Variants in PLXNC1 observed in about 807,000 individuals in gnomAD.
The protein encoded by PLXNC1 is plexin-C1.
In PLXNC1, 75 loss-of-function variants were observed where a neutral mutation model predicts 178.2. The observed-to-expected ratio is 0.42, with a 90% CI of 0.35 to 0.51. PLXNC1 has a LOEUF of 0.51. Ranked by LOEUF, PLXNC1 falls within the 20% of genes least tolerant of loss-of-function variation. The probability of loss-of-function intolerance (pLI) is 0.02; values close to 1 mark genes in which losing one functional copy is unlikely to be tolerated. For synonymous variants in PLXNC1, 790 were observed against 779.9 expected (o/e 1.01, Z -0.22); for missense variants, 1,503 against 1,984.4 (o/e 0.76, Z 4.61).
chr12:94,304,803 GGATCTGTCT>G (rs540641612), intron 30 of PLXNC1, among the ~76,000 whole-genome samples: 16 of 152,204 alleles, frequency 1.1e-4, no homozygotes, highest in Non-Finnish European at 2.1e-4. Context: ...GGGAAGGGAA[GGATCTGTCT>G]CTGACCAGGA....
Position 94,265,071 on chromosome 12 carries a change from T to C in PLXNC1, c.3451-8T>C, listed in dbSNP as rs1411346551. On this transcript the variant is annotated splice_polypyrimidine_tract_variant and splice_region_variant and intron_variant, in intron 20 of 30. Coordinates refer to ENST00000258526, the MANE Select transcript of PLXNC1 (RefSeq NM_005761.3). Reference sequence around the variant, plus strand: ...AAAGCTAACTGTCACTTTTGTGTCTTTTCCAAGGAGACTGTCGGAGAGCCC... The same window carrying C: ...AAAGCTAACTGTCACTTTTGTGTCTCTTCCAAGGAGACTGTCGGAGAGCCC... 1 of 1,613,688 alleles carries C rather than the reference T, an allele frequency of 6.2e-7. No individual in the cohort carries two copies. The highest frequency in any genetic ancestry group is 1.3e-5 in the African/African-American group (1 of 75,032).
chr12:94,306,239 AT>A lies in PLXNC1; in HGVS notation c.*955del, dbSNP rs1223262787. The A allele has an allele frequency of 6.6e-6, 1 of 151,732 alleles. No individual in the cohort carries two copies. The highest frequency in any genetic ancestry group is 2.4e-5 in the African/African-American group (1 of 41,192). 9.4% of individuals were successfully genotyped at this position (151,732 alleles called of 1,614,324 possible). On this transcript the variant is annotated 3_prime_UTR_variant, in exon 31 of 31. Transcript: ENST00000258526. Reference sequence around the variant, plus strand: ...TTGTGTGTGATTTAAAAAAAAAAAGATACATTTTACATTTTATCGAATTGCT... The same window carrying A: ...TTGTGTGTGATTTAAAAAAAAAAAGAACATTTTACATTTTATCGAATTGCT...
At chr12:94,194,877 G>GGAATGACAA (rs1301641674) in intron 4 of PLXNC1, among the ~76,000 whole-genome samples, 5 of 152,168 alleles carry the variant, frequency 3.3e-5, no homozygotes, top group Admixed American at 6.5e-5. Flanking sequence ...ACTGTCATTT[G>GGAATGACAA]GTGGAAGCCC....
At chr12:94,248,127 G>T in intron 13 of PLXNC1, 21 bp downstream of exon 13, 1 of 1,611,740 alleles carries the variant, frequency 6.2e-7, no homozygotes, top group Non-Finnish European at 8.5e-7. Context: ...TTTCTTTCTG[G>T]GTGGGATGTC....
At chr12:94,176,666 A>T (rs141294450) in intron 2 of PLXNC1, among the ~76,000 whole-genome samples, 181 of 152,312 alleles carry the variant, frequency 1.2e-3, no homozygotes, top group African/African-American at 4.3e-3. Context: ...TATTCCGTGA[A>T]AGGCACCTGG....
intron 4 of PLXNC1, among the ~76,000 whole-genome samples, chr12:94,189,679 C>CTCA (rs1353158904): frequency 2.1e-3 from 298 of 142,744 alleles, no homozygotes; most frequent in Non-Finnish European, 3.4e-3. Context: ...GACCCTGTCT[C>CTCA]AAAAAAAAAA....
At position 94,204,239 on chromosome 12, in the gene PLXNC1, C is replaced by T. The variant is rs551937794; in HGVS notation, c.1440-5351C>T. On this transcript the variant is annotated intron_variant, in intron 4 of 30. Coordinates refer to ENST00000258526, the MANE Select transcript of PLXNC1 (RefSeq NM_005761.3). ...TGAGACCACAGGCTTTGAGGCTACA[C>T]TGCCTGACTTAGTAGGTCAGCTCCT... Among the ~76,000 whole-genome samples, 56 of 152,334 alleles carry T rather than the reference C, an allele frequency of 3.7e-4. No individual in the cohort carries two copies. The East Asian group carries it at 9.6e-3, about 26-fold the overall frequency.
At chr12:94,300,795 A>AGAG in intron 27 of PLXNC1, 115 bp from the exon 28 acceptor site, 1 of 830,924 alleles carries the variant, frequency 1.2e-6, no homozygotes, top group Non-Finnish European at 1.8e-6. Context: ...TTGGCTAAGC[A>AGAG]GAGTTGTATA....
chr12:94,171,690 G>A (rs891460893), intron 2 of PLXNC1, among the ~76,000 whole-genome samples: 2 of 152,208 alleles, frequency 1.3e-5, no homozygotes, highest in Non-Finnish European at 2.9e-5. Context: ...GTTCCATGCC[G>A]TGGCTGGGGA....
chr12:94,208,186 C>T lies in PLXNC1; in HGVS notation c.1440-1404C>T, dbSNP rs370920731. On this transcript the variant is annotated intron_variant, in intron 4 of 30. Transcript: ENST00000258526. ...TAAATTTATGGCTTTGGAGAATTGC[C>T]GATGAAAATCCCCATGGTTATAATG... 2.0e-5 allele frequency among the ~76,000 whole-genome samples: 3 copies of T among 152,226 alleles called. No homozygotes were observed. The South Asian group carries it at 6.2e-4, about 32-fold the overall frequency.
At chr12:94,239,606 G>A (rs1480103226) in intron 10 of PLXNC1, among the ~76,000 whole-genome samples, 1 of 152,214 alleles carries the variant, frequency 6.6e-6, no homozygotes, top group Non-Finnish European at 1.5e-5. Context: ...ACACAACCCA[G>A]GCTTAATGAT....
In PLXNC1 at chr12:94,305,327, G is replaced by A. The variant is rs1166289717; in HGVS notation, c.*42G>A. On this transcript the variant is annotated 3_prime_UTR_variant, in exon 31 of 31. Coordinates refer to ENST00000258526, the MANE Select transcript of PLXNC1 (RefSeq NM_005761.3). ...CTTAATCTGGCAAAGTTCTTCAGAC[G>A]ACTTGGGAGCAAAATGGCTGCTTGA... The A allele has an allele frequency of 1.8e-5, 22 of 1,219,898 alleles. No homozygotes were observed. Among genetic ancestry groups the A allele is most frequent in the African/African-American group, 3.0e-5 (2 of 65,758 alleles). 75.6% of individuals were successfully genotyped at this position (1,219,898 alleles called of 1,614,324 possible). A position where few individuals can be genotyped will look rare whatever the true frequency, so the allele number is the denominator to read the frequency against.
At chr12:94,272,721 C>A (rs777973834) in intron 21 of PLXNC1, among the ~76,000 whole-genome samples, 1 of 152,232 alleles carries the variant, frequency 6.6e-6, no homozygotes, top group Non-Finnish European at 1.5e-5. Context: ...ACTGGCCACA[C>A]CTGGCAGCAG....
chr12:94,281,415 G>A (rs1966430951), intron 22 of PLXNC1, among the ~76,000 whole-genome samples: 1 of 152,200 alleles, frequency 6.6e-6, no homozygotes, highest in South Asian at 2.1e-4. Context: ...AGCCGCCTGG[G>A]ACTACAGAAA....
At chr12:94,247,469 G>C (rs1303631580) in intron 12 of PLXNC1, among the ~76,000 whole-genome samples, 1 of 152,070 alleles carries the variant, frequency 6.6e-6, no homozygotes, top group Non-Finnish European at 1.5e-5. Context: ...GCTGAGAGTT[G>C]GACACTTTTC....
At chr12:94,150,838 C>T (rs1001558034) in intron 1 of PLXNC1, 1 of 152,384 alleles carries the variant, frequency 6.6e-6, no homozygotes, top group East Asian at 1.9e-4. Context: ...GATGGCGGGA[C>T]TCAGAGTCAC....
Position 94,307,369 on chromosome 12 carries a change from T to C in PLXNC1, c.*2084T>C, listed in dbSNP as rs1408475848. 6.6e-6 allele frequency: 1 copy of C among 152,226 alleles called. No homozygotes were observed. The highest frequency in any genetic ancestry group is 6.5e-5 in the Admixed American group (1 of 15,280). The allele number at this position is 152,226 out of a possible 1,614,324, so 9.4% of individuals were successfully genotyped here. A position where few individuals can be genotyped will look rare whatever the true frequency, so the allele number is the denominator to read the frequency against. On this transcript the variant is annotated 3_prime_UTR_variant, in exon 31 of 31. Coordinates refer to ENST00000258526, the MANE Select transcript of PLXNC1 (RefSeq NM_005761.3). ...TTTGGATCACATTAGCCAAATGCAG[T>C]AAATGGCCAAATTAGATGTGTGCTG...
At chr12:94,275,229 T>C (rs1965842738) in intron 21 of PLXNC1, among the ~76,000 whole-genome samples, 1 of 152,230 alleles carries the variant, frequency 6.6e-6, no homozygotes, top group African/African-American at 2.4e-5. Flanking sequence ...TGCTTTTGTC[T>C]CTGAAATTTA....
At chr12:94,156,819 C>T (rs1417828931) in intron 1 of PLXNC1, among the ~76,000 whole-genome samples, 2 of 151,624 alleles carry the variant, frequency 1.3e-5, no homozygotes, top group Non-Finnish European at 2.9e-5. Context: ...GTGATCCTCC[C>T]ACCTCAGCTT....
Sources: allele counts gnomAD v4.1 joint callset (sites outside exome capture counted in the v4.1 genomes callset), GRCh38; gene constraint gnomAD v4.1.1; transcripts MANE v1.5; gene names NCBI Gene and HGNC (gene_info 2026-07-23, HGNC 2026-07-21).